Variants in SLCO2A1 observed in about 807,000 individuals in gnomAD.
SLCO2A1 encodes the protein matrin F/G 1.
A neutral mutation model predicts 71.7 loss-of-function variants in SLCO2A1; 60 were observed. The ratio of observed to expected loss-of-function variants is 0.84; its 90% confidence interval spans 0.68 to 1.04. SLCO2A1 has a LOEUF of 1.04. SLCO2A1 is among the 50% of genes least tolerant of loss of function. The pLI is 0.00. For missense variants in SLCO2A1, 745 were observed against 813.4 expected, an observed-to-expected ratio of 0.92 and a Z score of 1.02; for synonymous variants, 308 against 326.7, an observed-to-expected ratio of 0.94 and a Z score of 0.62.
intron 3 of SLCO2A1, among the ~76,000 whole-genome samples, chr3:133,960,136 A>G (rs1214806292): frequency 6.6e-6 from 1 of 151,614 alleles, no homozygotes; most frequent in East Asian, 1.9e-4. Context: ...AAATAAATAA[A>G]TAAATAAATA....
intron 3 of SLCO2A1, among the ~76,000 whole-genome samples, chr3:133,971,553 T>A (rs1188681337): frequency 6.6e-6 from 1 of 152,234 alleles, no homozygotes; most frequent in Non-Finnish European, 1.5e-5. Flanking sequence ...CACTTCGTTC[T>A]CTCCATCACT....
intron 1 of SLCO2A1, among the ~76,000 whole-genome samples, chr3:133,987,946 G>T (rs1032150188): frequency 6.6e-6 from 1 of 152,160 alleles, no homozygotes; most frequent in Non-Finnish European, 1.5e-5. Context: ...TTCTTCTAAA[G>T]GAAGGAAGAA....
At chr3:133,976,588 T>C (rs1934455105) in intron 2 of SLCO2A1, among the ~76,000 whole-genome samples, 1 of 151,962 alleles carries the variant, frequency 6.6e-6, no homozygotes, top group Admixed American at 6.5e-5. Flanking sequence ...TTTTCCCTAA[T>C]ATAAAACAAC....
rs1329605236 is a variant in SLCO2A1 at position 133,940,352 on chromosome 3, C to A, written c.1626-1859G>T. The stretch of plus-strand genomic sequence containing the variant: ...TTCCCAGTAGGATTTATCTTTAAAT[C>A]GTTGTGGGATCCTGGGGCCTCCTCT... On this transcript the variant is annotated intron_variant, in intron 11 of 13. Transcript: ENST00000310926. Among the ~76,000 whole-genome samples, 5 of 152,136 alleles carry A rather than the reference C, an allele frequency of 3.3e-5. No individual in the cohort carries two copies. The East Asian group carries it at 9.6e-4, about 29-fold the overall frequency.
At chr3:133,965,625 C>G (rs767793063) in intron 3 of SLCO2A1, among the ~76,000 whole-genome samples, 5 of 77,900 alleles carry the variant, frequency 6.4e-5, no homozygotes, top group Non-Finnish European at 1.5e-4. Context: ...TTCAGCTAGT[C>G]AGCTTGGCAC....
chr3:133,998,956 C>A (rs1935040781), intron 1 of SLCO2A1, among the ~76,000 whole-genome samples: 1 of 152,214 alleles, frequency 6.6e-6, no homozygotes, highest in South Asian at 2.1e-4. Flanking sequence ...TGGATCCTGA[C>A]TCCTTGCGTA....
At chr3:133,992,635 G>C (rs1473206743) in intron 1 of SLCO2A1, among the ~76,000 whole-genome samples, 3 of 152,186 alleles carry the variant, frequency 2.0e-5, no homozygotes, top group Admixed American at 6.5e-5. Context: ...AAAACCCCAG[G>C]CTCTGCCAGC....
rs977484236 is a variant in SLCO2A1, at chr3:134,017,782, C to T, written c.96+11925G>A. On this transcript the variant is annotated intron_variant, in intron 1 of 13. Transcript: ENST00000310926. ...TGAGAAGAGGGAGAATGAAGAGGGGCGAGGCCAGGGGACCCCCTCCATTCC... is the reference window on the plus strand; with the variant it reads ...TGAGAAGAGGGAGAATGAAGAGGGGTGAGGCCAGGGGACCCCCTCCATTCC... Among the ~76,000 whole-genome samples, 10 of 152,230 alleles carry T rather than the reference C, an allele frequency of 6.6e-5. No individual in the cohort carries two copies. The Middle Eastern group carries it at 0.01, about 155-fold the overall frequency.
At chr3:133,951,139 T>C (rs1280551249) in intron 6 of SLCO2A1, 69 bp downstream of exon 6, 1 of 1,600,816 alleles carries the variant, frequency 6.2e-7, no homozygotes, top group African/African-American at 1.3e-5. Context: ...TTTAGCTCTA[T>C]TTATTTTCTA....
intron 3 of SLCO2A1, among the ~76,000 whole-genome samples, chr3:133,956,753 G>A (rs1349964855): frequency 6.6e-6 from 1 of 152,284 alleles, no homozygotes; most frequent in Non-Finnish European, 1.5e-5. Context: ...AAAGACAGCT[G>A]GAACAGCTTG....
At chr3:133,979,716 C>T (rs371783025) in intron 1 of SLCO2A1, 98 bp from the exon 2 acceptor site, 3 of 1,352,478 alleles carry the variant, frequency 2.2e-6, no homozygotes, top group African/African-American at 2.9e-5. Context: ...ACCTCTGTTT[C>T]CTCGCCTGTT....
chr3:133,954,050 C>T (rs539682624), intron 4 of SLCO2A1, among the ~76,000 whole-genome samples: 5 of 151,466 alleles, frequency 3.3e-5, no homozygotes, highest in East Asian at 2.0e-4. Context: ...CCTGTGGGTA[C>T]GATGCTGGGG....
intron 1 of SLCO2A1, among the ~76,000 whole-genome samples, chr3:133,984,253 C>T (rs1460947882): frequency 1.3e-5 from 2 of 152,172 alleles, no homozygotes; most frequent in Non-Finnish European, 2.9e-5. Flanking sequence ...ACTTTCTCCC[C>T]CGTGCTACTG....
At chr3:133,951,753 C>A (rs1219287811) in intron 5 of SLCO2A1, among the ~76,000 whole-genome samples, 1 of 152,216 alleles carries the variant, frequency 6.6e-6, no homozygotes, top group Non-Finnish European at 1.5e-5. Flanking sequence ...AGTCAAGAAA[C>A]TGAGGATAGA....
Position 133,987,237 on chromosome 3 carries a change from G to A in SLCO2A1, c.97-7619C>T, listed in dbSNP as rs891309531. Among the ~76,000 whole-genome samples the A allele has an allele frequency of 8.8e-5, 13 of 147,502 alleles. 1 individual carries two copies. Among genetic ancestry groups the A allele is most frequent in the Admixed American group, 6.2e-4 (9 of 14,428 alleles). On this transcript the variant is annotated intron_variant, in intron 1 of 13. Coordinates refer to ENST00000310926, the MANE Select transcript of SLCO2A1 (RefSeq NM_005630.3). ...AATTTAACCTGAAAGACTGGTTCAG[G>A]TCTCGACAGGAAGTGGGGGTCAGAC...
At position 133,979,467 on chromosome 3, in the gene SLCO2A1, A is replaced by G. The variant is rs1159678355; in HGVS notation, c.234+14T>C. 1 of 1,614,186 alleles carries G rather than the reference A, an allele frequency of 6.2e-7. No homozygotes were observed. Among genetic ancestry groups the G allele is most frequent in the Admixed American group, 1.7e-5 (1 of 60,022 alleles). On this transcript the variant is annotated intron_variant, in intron 2 of 13. Coordinates refer to ENST00000310926, the MANE Select transcript of SLCO2A1 (RefSeq NM_005630.3). ...GCACAAGTGGAGTCTGATGGACCAG[A>G]ACCTCCTGCTCACCTCATTCAAGCT...
At chr3:134,003,938 AAG>A (rs1284850381) in intron 1 of SLCO2A1, among the ~76,000 whole-genome samples, 3 of 152,188 alleles carry the variant, frequency 2.0e-5, no homozygotes, top group South Asian at 2.1e-4. Flanking sequence ...GAGGGAAAAA[AAG>A]AGAGAGAAAT....
At chr3:134,015,925 A>C (rs1935443949) in intron 1 of SLCO2A1, among the ~76,000 whole-genome samples, 1 of 152,188 alleles carries the variant, frequency 6.6e-6, no homozygotes, top group African/African-American at 2.4e-5. Flanking sequence ...AATAAAGGAT[A>C]GTCTTTTCAA....
chr3:133,952,081 A>C (rs1933758263), intron 5 of SLCO2A1, among the ~76,000 whole-genome samples: 1 of 152,248 alleles, frequency 6.6e-6, no homozygotes, highest in African/African-American at 2.4e-5. Context: ...AGGTGGCAGA[A>C]CGGTTCAGTC....
Sources: gnomAD v4.1 joint callset for allele counts (sites outside exome capture counted in the v4.1 genomes callset) on GRCh38, gnomAD v4.1.1 for gene constraint, MANE v1.5 for transcripts, NCBI Gene and HGNC (gene_info 2026-07-23, HGNC 2026-07-21) for gene names.